The following NRXN1 variants were observed in gnomAD, a reference collection of about 807,000 sequenced individuals.
NRXN1 encodes the protein neurexin-1.
In NRXN1, 39 loss-of-function variants were observed where a neutral mutation model predicts 150.9. That is an observed-to-expected ratio of 0.26 (90% CI 0.20 to 0.34). The LOEUF (loss-of-function observed/expected upper bound fraction) is 0.34, where lower values mean the gene tolerates loss of function less well. Among genes scored for constraint, NRXN1 ranks in the 10% least tolerant of loss-of-function variants. The pLI, the probability that NRXN1 is intolerant of heterozygous loss-of-function variation, is 1.00. For missense variants in NRXN1, 1,815 were observed against 1,949.9 expected, an observed-to-expected ratio of 0.93 and a Z score of 1.30; for synonymous variants, 924 against 757.0, an observed-to-expected ratio of 1.22 and a Z score of -3.62.
intron 17 of NRXN1, among the ~76,000 whole-genome samples, chr2:50,272,478 T>C (rs951300235): frequency 3.9e-5 from 6 of 151,976 alleles, no homozygotes; most frequent in South Asian, 4.2e-4. Context: ...AAACAGAAAA[T>C]AAATACCAAA....
chr2:50,991,667 A>G (rs913549919), intron 2 of NRXN1, among the ~76,000 whole-genome samples: 13 of 152,052 alleles, frequency 8.5e-5, no homozygotes, highest in African/African-American at 2.9e-4. Flanking sequence ...AAAAACATGG[A>G]AAATAGAACC....
chr2:49,931,093 C>A (rs1055579724), intron 22 of NRXN1, among the ~76,000 whole-genome samples: 4 of 152,164 alleles, frequency 2.6e-5, no homozygotes, highest in African/African-American at 9.7e-5. Flanking sequence ...GATCATGTCA[C>A]TGCCCTCCAG....
intron 5 of NRXN1, among the ~76,000 whole-genome samples, chr2:50,819,292 C>T (rs969590790): frequency 6.6e-6 from 1 of 152,068 alleles, no homozygotes; most frequent in Non-Finnish European, 1.5e-5. Context: ...TGTCCATTGA[C>T]AGATAAATGG....
At chr2:50,100,500 C>A (rs148864411) in intron 18 of NRXN1, among the ~76,000 whole-genome samples, 1 of 152,146 alleles carries the variant, frequency 6.6e-6, no homozygotes, top group East Asian at 1.9e-4. Flanking sequence ...ATCTTGATAT[C>A]GGTATTTTAA....
At chr2:50,303,720 C>T (rs1249610226) in intron 17 of NRXN1, among the ~76,000 whole-genome samples, 1 of 152,198 alleles carries the variant, frequency 6.6e-6, no homozygotes, top group Middle Eastern at 3.4e-3. Context: ...TGATTTTTGT[C>T]GTTAAAACTC....
chr2:50,771,475 T>G (rs937277108), intron 5 of NRXN1, among the ~76,000 whole-genome samples: 6 of 152,092 alleles, frequency 3.9e-5, no homozygotes, highest in African/African-American at 1.4e-4. Context: ...AAACTGTCAG[T>G]AGAAGCTGCC....
intron 18 of NRXN1, among the ~76,000 whole-genome samples, chr2:50,221,607 A>T (rs1246716837): frequency 6.6e-6 from 1 of 152,020 alleles, no homozygotes; most frequent in African/African-American, 2.4e-5. Context: ...AAAGTTCTTT[A>T]ATTTTTAAAT....
At chr2:50,972,969 C>G (rs144224308) in intron 2 of NRXN1, among the ~76,000 whole-genome samples, 5 of 152,222 alleles carry the variant, frequency 3.3e-5, no homozygotes, top group Admixed American at 3.3e-4. Context: ...TGTAAATTAA[C>G]TCAGTGGCCC....
intron 5 of NRXN1, among the ~76,000 whole-genome samples, chr2:50,740,340 C>A (rs556036254): frequency 6.6e-6 from 1 of 152,178 alleles, no homozygotes; most frequent in Non-Finnish European, 1.5e-5. Flanking sequence ...TACACCCACC[C>A]AGCATCCTAG....
intron 17 of NRXN1, among the ~76,000 whole-genome samples, chr2:50,322,584 A>C (rs900036635): frequency 6.6e-6 from 1 of 152,212 alleles, no homozygotes; most frequent in Non-Finnish European, 1.5e-5. Context: ...AGATTGGCTA[A>C]CTAATGAGGA....
intron 21 of NRXN1, among the ~76,000 whole-genome samples, chr2:49,950,188 T>C (rs1254933934): frequency 1.3e-5 from 2 of 151,910 alleles, no homozygotes; most frequent in African/African-American, 2.4e-5. Flanking sequence ...TTGCGGTCTA[T>C]TTGATTAAAG....
intron 21 of NRXN1, among the ~76,000 whole-genome samples, chr2:49,996,691 A>G (rs1215104646): frequency 2.0e-5 from 3 of 152,190 alleles, no homozygotes; most frequent in South Asian, 2.1e-4. Context: ...TGAGGAATGC[A>G]GGTGGCTTCT....
rs898385334 is a variant in NRXN1 at position 50,497,788 on chromosome 2, A to C, written c.2498-74T>G. On this transcript the variant is annotated intron_variant, in intron 13 of 22. Transcript: ENST00000401669. Reference sequence around the variant, plus strand: ...TTCAACTTTAGGCTTTCATAACAATATCACATTCTAAAATACAAGGAGCCA... The same window carrying C: ...TTCAACTTTAGGCTTTCATAACAATCTCACATTCTAAAATACAAGGAGCCA... The C allele has an allele frequency of 5.0e-6, 7 of 1,400,550 alleles. No homozygotes were observed. The African/African-American group carries it at 1.0e-4, about 20-fold the overall frequency. 86.8% of individuals were successfully genotyped at this position (1,400,550 alleles called of 1,614,324 possible).
intron 21 of NRXN1, among the ~76,000 whole-genome samples, chr2:50,000,621 C>T (rs1683757579): frequency 6.6e-6 from 1 of 152,146 alleles, no homozygotes; most frequent in Admixed American, 6.5e-5. Flanking sequence ...TCTGCATCAA[C>T]ATATTCCTAA....
chr2:50,476,767 T>C (rs1160528775), intron 15 of NRXN1, among the ~76,000 whole-genome samples: 1 of 152,196 alleles, frequency 6.6e-6, no homozygotes, highest in Non-Finnish European at 1.5e-5. Flanking sequence ...TGCCTTACAC[T>C]ATTCTAAAAG....
At chr2:50,331,564 T>C (rs527942583) in intron 17 of NRXN1, among the ~76,000 whole-genome samples, 2 of 152,314 alleles carry the variant, frequency 1.3e-5, no homozygotes, top group East Asian at 3.9e-4. Context: ...CCTATATGAA[T>C]ACTCTCTATG....
chr2:50,329,607 G>GTC (rs2076631918), intron 17 of NRXN1, among the ~76,000 whole-genome samples: 1 of 25,924 alleles, frequency 3.9e-5, no homozygotes, highest in Non-Finnish European at 7.6e-5. Flanking sequence ...GTGTGTGTGT[G>GTC]TGTGTGTGTG....
intron 15 of NRXN1, among the ~76,000 whole-genome samples, chr2:50,481,444 T>A (rs2090449843): frequency 6.6e-6 from 1 of 152,244 alleles, no homozygotes; most frequent in South Asian, 2.1e-4. Context: ...GATACATAAG[T>A]AGAATTCTTA....
intron 17 of NRXN1, among the ~76,000 whole-genome samples, chr2:50,400,663 G>T (rs1027674703): frequency 6.6e-6 from 1 of 152,134 alleles, no homozygotes; most frequent in Admixed American, 6.6e-5. Context: ...AAACATGTCA[G>T]TGTGGACAAG....
Sources: allele counts gnomAD v4.1 joint callset (sites outside exome capture counted in the v4.1 genomes callset), GRCh38; gene constraint gnomAD v4.1.1; transcripts MANE v1.5; gene names NCBI Gene and HGNC (gene_info 2026-07-23, HGNC 2026-07-21).